WDR27: variants seen among roughly 807,000 people sequenced by gnomAD.
WDR27 encodes WD repeat domain 27.
WDR27 carries 100 observed loss-of-function variants against 114.4 expected under a neutral mutation model. The ratio of observed to expected loss-of-function variants is 0.87; its 90% confidence interval spans 0.74 to 1.03. The LOEUF (loss-of-function observed/expected upper bound fraction) is 1.03, where lower values mean the gene tolerates loss of function less well. Among genes scored for constraint, WDR27 ranks in the 50% least tolerant of loss-of-function variants. WDR27 has a pLI of 0.00. For missense variants in WDR27, 1,129 were observed against 1,092.9 expected, an observed-to-expected ratio of 1.03 and a Z score of -0.47; for synonymous variants, 449 against 423.1, an observed-to-expected ratio of 1.06 and a Z score of -0.75.
At chr6:169,525,469 G>A (rs182023714) in intron 25 of WDR27, among the ~76,000 whole-genome samples, 1 of 149,780 alleles carries the variant, frequency 6.7e-6, no homozygotes, top group East Asian at 2.0e-4. Flanking sequence ...CCGGGAGGTG[G>A]AGCTTGCAGT....
chr6:169,580,884 A>T lies in WDR27; in HGVS notation c.2523+1952T>A, dbSNP rs11759797. The stretch of plus-strand genomic sequence containing the variant: ...AATTTTTAAAAATAAGGAACCAGCC[A>T]AATTTTTAAAAATAAGGAAATTTTT... On this transcript the variant is annotated intron_variant, in intron 24 of 25. Coordinates refer to ENST00000448612, the MANE Select transcript of WDR27 (RefSeq NM_182552.5). Among the ~76,000 whole-genome samples the T allele has an allele frequency of 3.3e-3, 497 of 149,822 alleles. 1 individual carries two copies. Among genetic ancestry groups the T allele is most frequent in the African/African-American group, 0.011 (466 of 41,120 alleles).
At chr6:169,448,654 G>T in the WDR27 span, among the ~76,000 whole-genome samples, 12 of 152,290 alleles carry the variant, frequency 7.9e-5, no homozygotes, top group Admixed American at 7.8e-4. Flanking sequence ...GGTGAGAAGA[G>T]GTGAACATTC....
chr6:169,668,404 A>C (rs1488328754), intron 4 of WDR27, among the ~76,000 whole-genome samples: 2 of 152,174 alleles, frequency 1.3e-5, no homozygotes, highest in Non-Finnish European at 2.9e-5. Flanking sequence ...TGCCCCATGC[A>C]TCTGCCCTGA....
Position 169,672,171 on chromosome 6 carries a change from A to C in WDR27, c.331+84T>G, listed in dbSNP as rs1778913538. Reference sequence around the variant, plus strand: ...GGGACTGCTGTTACCCAAGGGAAACACCCCTTGGGTGGTACCAAGTATACT... The same window carrying C: ...GGGACTGCTGTTACCCAAGGGAAACCCCCCTTGGGTGGTACCAAGTATACT... On this transcript the variant is annotated intron_variant, in intron 3 of 25. Transcript: ENST00000448612. 4 of 1,404,428 alleles carry C rather than the reference A, an allele frequency of 2.8e-6. No individual in the cohort carries two copies. In the African/African-American group the frequency reaches 5.7e-5, roughly 20 times the overall value. The allele number at this position is 1,404,428 out of a possible 1,614,324, so 87.0% of individuals were successfully genotyped here. A position where few individuals can be genotyped will look rare whatever the true frequency, so the allele number is the denominator to read the frequency against.
chr6:169,688,805 C>T lies in WDR27; in HGVS notation c.189+12G>A. On this transcript the variant is annotated intron_variant, in intron 2 of 25. Coordinates refer to ENST00000448612, the MANE Select transcript of WDR27 (RefSeq NM_182552.5). ...GGCCTTCATGACACTGGACATGTAA[C>T]TCGTTCAATACCTGATGAGAAGGAT... 1.9e-6 allele frequency: 3 copies of T among 1,584,598 alleles called. No homozygotes were observed. The highest frequency in any genetic ancestry group is 2.6e-6 in the Non-Finnish European group (3 of 1,165,326).
At chr6:169,451,389 C>A in the WDR27 span, among the ~76,000 whole-genome samples, 1 of 152,108 alleles carries the variant, frequency 6.6e-6, no homozygotes, top group Non-Finnish European at 1.5e-5. Context: ...CAAGCTGTTC[C>A]CCGACCACCA....
intron 8 of WDR27, among the ~76,000 whole-genome samples, chr6:169,663,037 C>G (rs989482990): frequency 6.6e-6 from 1 of 150,958 alleles, no homozygotes; most frequent in Non-Finnish European, 1.5e-5. Flanking sequence ...AAAGGTAACA[C>G]CCAGGATGAT....
chr6:169,579,380 A>G (rs1802986429), intron 24 of WDR27, among the ~76,000 whole-genome samples: 2 of 152,134 alleles, frequency 1.3e-5, no homozygotes, highest in Admixed American at 1.3e-4. Flanking sequence ...ATTTATAGAG[A>G]GTGAGAAAGA....
chr6:169,452,117 T>C, the WDR27 span, among the ~76,000 whole-genome samples: 1 of 152,256 alleles, frequency 6.6e-6, no homozygotes, highest in Non-Finnish European at 1.5e-5. Flanking sequence ...GTTCCACATC[T>C]TTGAAAGAAA....
At chr6:169,523,519 A>G (rs1040171236) in intron 25 of WDR27, among the ~76,000 whole-genome samples, 2 of 152,160 alleles carry the variant, frequency 1.3e-5, no homozygotes, top group African/African-American at 4.8e-5. Flanking sequence ...TCCACGATGA[A>G]TATAGATGTG....
At chr6:169,507,542 C>T (rs559264336) in intron 25 of WDR27, among the ~76,000 whole-genome samples, 1 of 152,260 alleles carries the variant, frequency 6.6e-6, no homozygotes, top group Admixed American at 6.5e-5. Flanking sequence ...GGTTGGAGCT[C>T]CTAGATCCCT....
chr6:169,454,357 G>A (rs1285281338), downstream of WDR27, among the ~76,000 whole-genome samples: 1 of 152,092 alleles, frequency 6.6e-6, no homozygotes, highest in African/African-American at 2.4e-5. Flanking sequence ...AGTTGGTGCT[G>A]CCACCTGGTT....
At chr6:169,455,095 G>C (rs982660020), downstream of WDR27, among the ~76,000 whole-genome samples, 2 of 152,234 alleles carry the variant, frequency 1.3e-5, no homozygotes, top group African/African-American at 4.8e-5. Flanking sequence ...GGACACCCTG[G>C]CTGCTCTGTC....
chr6:169,539,718 T>A (rs1393570977), intron 25 of WDR27, among the ~76,000 whole-genome samples: 5 of 152,032 alleles, frequency 3.3e-5, no homozygotes, highest in Non-Finnish European at 7.4e-5. Context: ...TGTCCACAGG[T>A]GGGGGTGAAG....
intron 13 of WDR27, among the ~76,000 whole-genome samples, chr6:169,655,254 C>A (rs1026402201): frequency 6.6e-6 from 1 of 152,212 alleles, no homozygotes; most frequent in Non-Finnish European, 1.5e-5. Flanking sequence ...GCTGGAGTAA[C>A]CTCTGGCCAG....
intron 25 of WDR27, among the ~76,000 whole-genome samples, chr6:169,542,495 G>A (rs545426510): frequency 5.1e-4 from 78 of 152,216 alleles, no homozygotes; most frequent in African/African-American, 1.7e-3. Flanking sequence ...AGACAGAAAG[G>A]CTTAGAATTT....
rs1785954569 is a variant in WDR27, at chr6:169,696,327, C to T, written c.-8+5224G>A. ...TCTTGGGAAGAATGGCGCAGTGAAG[C>T]TTACGAGGAAGAAGTTAAGGTATGG... is the stretch of plus-strand genomic sequence containing the variant. On this transcript the variant is annotated intron_variant, in intron 1 of 25. Coordinates refer to ENST00000448612, the MANE Select transcript of WDR27 (RefSeq NM_182552.5). 2.6e-5 allele frequency among the ~76,000 whole-genome samples: 4 copies of T among 152,154 alleles called. No individual in the cohort carries two copies. In the South Asian group the frequency reaches 8.3e-4, roughly 32 times the overall value.
At chr6:169,546,064 G>A (rs187245169) in intron 25 of WDR27, among the ~76,000 whole-genome samples, 9 of 152,020 alleles carry the variant, frequency 5.9e-5, no homozygotes, top group East Asian at 3.9e-4. Flanking sequence ...GATCAAAGCC[G>A]CAATGCAGTA....
rs1288516094 is a variant in WDR27 at position 169,667,184 on chromosome 6, A to C, written c.664T>G (p.Trp222Gly). Residue 222 changes from tryptophan to glycine, a missense_variant, in exon 6 of 26, where the codon TGG (tryptophan) becomes GGG (glycine). Transcript: ENST00000448612. ...SASEDRGFKV[W>G]DHCTGSLIYS... ...ATTAATGATCCTGTACAATGGTCCC[A>C]GACCTTTGGATAAACACAGGATTCT... The C allele has an allele frequency of 8.6e-6, 13 of 1,519,416 alleles. No individual in the cohort carries two copies. The highest frequency in any genetic ancestry group is 1.1e-5 in the Non-Finnish European group (13 of 1,136,076). The allele number at this position is 1,519,416 out of a possible 1,614,324, so 94.1% of individuals were successfully genotyped here. A position where few individuals can be genotyped will look rare whatever the true frequency, so the allele number is the denominator to read the frequency against.
Sources: gnomAD v4.1 joint callset for allele counts (sites outside exome capture counted in the v4.1 genomes callset) on GRCh38, gnomAD v4.1.1 for gene constraint, MANE v1.5 for transcripts, NCBI Gene and HGNC (gene_info 2026-07-23, HGNC 2026-07-21) for gene names.